Variants in STRN observed in about 807,000 individuals in gnomAD.
STRN encodes striatin.
A neutral mutation model predicts 96.3 loss-of-function variants in STRN; 53 were observed. The ratio of observed to expected loss-of-function variants is 0.55; its 90% confidence interval spans 0.44 to 0.69. The LOEUF is 0.69. STRN is among the 30% of genes least tolerant of loss of function. STRN has a pLI of 0.00. For missense variants in STRN, 987 were observed against 963.9 expected (o/e 1.02, Z -0.32); for synonymous variants, 428 against 355.9 (o/e 1.20, Z -2.28).
chr2:36,947,569 T>TTATATA (rs951432929), intron 1 of STRN, among the ~76,000 whole-genome samples: 19 of 145,772 alleles, frequency 1.3e-4, no homozygotes, highest in African/African-American at 4.7e-4. Flanking sequence ...TACATATATA[T>TTATATA]TATATATATA....
intron 2 of STRN, among the ~76,000 whole-genome samples, chr2:36,918,407 T>C (rs1670167258): frequency 6.6e-6 from 1 of 152,036 alleles, no homozygotes; most frequent in African/African-American, 2.4e-5. Context: ...CAGATTATAT[T>C]AAAGCTTTTA....
intron 9 of STRN, among the ~76,000 whole-genome samples, chr2:36,881,355 T>C (rs1441167134): frequency 6.6e-6 from 1 of 152,188 alleles, no homozygotes; most frequent in Non-Finnish European, 1.5e-5. Flanking sequence ...CTTGAATTTC[T>C]GGCCTCAAGT....
chr2:36,923,122 C>T (rs1195976967), intron 2 of STRN, among the ~76,000 whole-genome samples: 2 of 137,504 alleles, frequency 1.5e-5, no homozygotes, highest in Admixed American at 7.5e-5. Context: ...AGCCTGGCAA[C>T]AGAGCAAAAC....
chr2:36,899,663 T>G lies in STRN; in HGVS notation c.660-5A>C. On this transcript the variant is annotated splice_region_variant and splice_polypyrimidine_tract_variant and intron_variant, in intron 5 of 17. Transcript: ENST00000263918. ...GAATCTGTTAACTCAGATTTTCTGGTGTAAAACATGTATATCCTGCTTAGT... is the reference window on the plus strand; with the variant it reads ...GAATCTGTTAACTCAGATTTTCTGGGGTAAAACATGTATATCCTGCTTAGT... 6.9e-6 allele frequency: 11 copies of G among 1,599,778 alleles called. No individual in the cohort carries two copies. The highest frequency in any genetic ancestry group is 9.4e-6 in the Non-Finnish European group (11 of 1,172,146).
rs1430329921 is a variant in STRN at position 36,966,490 on chromosome 2, C to T, written c.-27G>A. ...GCGGCCGCAGATACCCGGGGAGCTG[C>T]CCCGGCGCCCAGCAGCGGAGGCAAC... On this transcript the variant is annotated 5_prime_UTR_variant, in exon 1 of 18. Coordinates refer to ENST00000263918, the MANE Select transcript of STRN (RefSeq NM_003162.4). The T allele has an allele frequency of 2.9e-6, 4 of 1,400,912 alleles. No homozygotes were observed. Among genetic ancestry groups the T allele is most frequent in the Non-Finnish European group, 3.7e-6 (4 of 1,081,274 alleles). The allele number at this position is 1,400,912 out of a possible 1,614,324, so 86.8% of individuals were successfully genotyped here.
chr2:36,956,828 G>C (rs1262015016), intron 1 of STRN, among the ~76,000 whole-genome samples: 3 of 152,300 alleles, frequency 2.0e-5, no homozygotes, highest in South Asian at 4.1e-4. Flanking sequence ...CCAAAAATTA[G>C]TAGGGCCATT....
chr2:36,913,643 G>T (rs1325888306), intron 3 of STRN, among the ~76,000 whole-genome samples: 1 of 152,026 alleles, frequency 6.6e-6, no homozygotes, highest in African/African-American at 2.4e-5. Flanking sequence ...ATCCAACAGG[G>T]CATTGTTGTC....
rs552050049 is a variant in STRN, at chr2:36,839,275, A to G, written c.*10181T>C. 3.3e-5 allele frequency among the ~76,000 whole-genome samples: 5 copies of G among 151,888 alleles called. No homozygotes were observed. The highest frequency in any genetic ancestry group is 7.3e-5 in the African/African-American group (3 of 41,300). On this transcript the variant is annotated 3_prime_UTR_variant, in exon 18 of 18. Coordinates refer to ENST00000263918, the MANE Select transcript of STRN (RefSeq NM_003162.4). ...TCTGCACTTATCACTAATATTCCCT[A>G]TATTTTCACTTGTTCCCCCACCTGG... is the stretch of plus-strand genomic sequence containing the variant.
intron 13 of STRN, 33 bp downstream of exon 13, chr2:36,861,099 T>G: frequency 6.2e-7 from 1 of 1,604,142 alleles, no homozygotes; most frequent in Non-Finnish European, 8.5e-7. Context: ...AAAAACCAAT[T>G]TTATTCCTTC....
At chr2:36,885,331 A>C (rs958945446) in intron 8 of STRN, among the ~76,000 whole-genome samples, 1 of 152,164 alleles carries the variant, frequency 6.6e-6, no homozygotes, top group African/African-American at 2.4e-5. Flanking sequence ...AAATATCAAC[A>C]TTAAGTTAAT....
At chr2:36,876,584 C>G (rs1668918662) in intron 10 of STRN, among the ~76,000 whole-genome samples, 1 of 152,090 alleles carries the variant, frequency 6.6e-6, no homozygotes, top group African/African-American at 2.4e-5. Context: ...CCTACATCCC[C>G]TGCATGGTAC....
intron 1 of STRN, among the ~76,000 whole-genome samples, chr2:36,964,919 G>T (rs1214136698): frequency 2.6e-5 from 4 of 152,174 alleles, no homozygotes. Context: ...CACAGGTGCT[G>T]AATAAAATAC....
Position 36,840,567 on chromosome 2 carries a change from G to A in STRN, c.*8889C>T, listed in dbSNP as rs1400363004. ...TTTTTTTTTTTTTTTGGTCTTTGAT[G>A]ATTTGTATAATTTAGATTTTGAAAT... is the stretch of plus-strand genomic sequence containing the variant. On this transcript the variant is annotated 3_prime_UTR_variant, in exon 18 of 18. Coordinates refer to ENST00000263918, the MANE Select transcript of STRN (RefSeq NM_003162.4). 1 of 143,694 alleles carries A rather than the reference G, an allele frequency of 7.0e-6. No individual in the cohort carries two copies. The highest frequency in any genetic ancestry group is 2.0e-4 in the East Asian group (1 of 4,926). The allele number at this position is 143,694 out of a possible 1,614,324, so 8.9% of individuals were successfully genotyped here. A position where few individuals can be genotyped will look rare whatever the true frequency, so the allele number is the denominator to read the frequency against.
intron 10 of STRN, among the ~76,000 whole-genome samples, chr2:36,872,710 T>A (rs1173251485): frequency 6.6e-6 from 1 of 152,180 alleles, no homozygotes; most frequent in African/African-American, 2.4e-5. Flanking sequence ...AGGACTAAGT[T>A]CCATTACATA....
At chr2:36,850,642 A>G (rs565548466) in intron 16 of STRN, among the ~76,000 whole-genome samples, 1 of 152,358 alleles carries the variant, frequency 6.6e-6, no homozygotes, top group African/African-American at 2.4e-5. Flanking sequence ...ATATGCCTCT[A>G]TTTCCAATGT....
chr2:36,869,722 T>C lies in STRN; in HGVS notation c.1331A>G (p.Asn444Ser). 1 of 1,596,930 alleles carries C rather than the reference T, an allele frequency of 6.3e-7. No homozygotes were observed. Among genetic ancestry groups the C allele is most frequent in the Middle Eastern group, 1.7e-4 (1 of 5,998 alleles). ...EADSLTYDIA[N>S]NKDALRKTWN... ...TGTCTTCCTCAATGCATCTTTATTG[T>C]TTGCTATCTATTAAAGAAACAAAAC... The change falls in exon 11 of 18, where the codon AAC becomes AGC. Residue 444 changes from asparagine to serine, a missense_variant. Physicochemically the swap from Asn to Ser is conservative, Grantham distance 46 (BLOSUM62 1). Transcript: ENST00000263918.
At chr2:36,933,457 G>T (rs1670624765) in intron 1 of STRN, among the ~76,000 whole-genome samples, 1 of 152,242 alleles carries the variant, frequency 6.6e-6, no homozygotes, top group African/African-American at 2.4e-5. Context: ...ATCAAGGGAG[G>T]AATTCTGCAG....
intron 10 of STRN, among the ~76,000 whole-genome samples, chr2:36,876,049 G>A (rs1463233716): frequency 6.6e-6 from 1 of 152,100 alleles, no homozygotes; most frequent in Admixed American, 6.6e-5. Context: ...CAGGTGAACT[G>A]CTTGAGCTTA....
chr2:36,923,568 A>AT (rs1228339402), intron 2 of STRN, among the ~76,000 whole-genome samples: 1 of 152,030 alleles, frequency 6.6e-6, no homozygotes, highest in African/African-American at 2.4e-5. Context: ...AGAAACACGT[A>AT]TTTTTCACTA....
Sources: allele counts gnomAD v4.1 joint callset (sites outside exome capture counted in the v4.1 genomes callset), GRCh38; gene constraint gnomAD v4.1.1; transcripts MANE v1.5; gene names NCBI Gene and HGNC (gene_info 2026-07-23, HGNC 2026-07-21).